The following INPP4B variants were observed in gnomAD, a reference collection of about 807,000 sequenced individuals.
INPP4B encodes the protein inositol polyphosphate 4-phosphatase type II.
In INPP4B, 55 loss-of-function variants were observed where a neutral mutation model predicts 122.5. The ratio of observed to expected loss-of-function variants is 0.45; its 90% CI spans 0.36 to 0.56. The LOEUF is 0.56. INPP4B is among the 20% of genes least tolerant of loss of function. INPP4B has a pLI of 0.00. For synonymous variants in INPP4B, 403 were observed against 388.7 expected, an observed-to-expected ratio of 1.04 and a Z score of -0.43; for missense variants, 1,000 against 1,097.7, an observed-to-expected ratio of 0.91 and a Z score of 1.26.
intron 7 of INPP4B, among the ~76,000 whole-genome samples, chr4:142,346,064 CATT>C (rs1254563079): frequency 6.6e-6 from 1 of 152,004 alleles, no homozygotes; most frequent in Non-Finnish European, 1.5e-5. Flanking sequence ...AAGGAAGTGG[CATT>C]GTAGAAAGGA....
At chr4:142,696,216 T>A (rs1197470744) in intron 2 of INPP4B, among the ~76,000 whole-genome samples, 1 of 152,130 alleles carries the variant, frequency 6.6e-6, no homozygotes, top group Non-Finnish European at 1.5e-5. Context: ...ATTTCCTCTG[T>A]GCCCTTTTCC....
chr4:142,042,542 GTATGTATGTATGTATGTATT>G (rs796364595), intron 25 of INPP4B, among the ~76,000 whole-genome samples: 51,930 of 111,582 alleles, frequency 0.47, 9,671 homozygotes, highest in South Asian at 0.56. Context: ...ATGTATGTAT[GTATGTATGTATGTATGTATT>G]TATTTATTTA....
intron 2 of INPP4B, among the ~76,000 whole-genome samples, chr4:142,595,660 G>A (rs190609179): frequency 6.0e-4 from 92 of 152,204 alleles, no homozygotes; most frequent in Non-Finnish European, 1.2e-3. Flanking sequence ...TGGACATACA[G>A]TCACCCTGGC....
At chr4:142,518,431 C>T (rs1825681290) in intron 2 of INPP4B, among the ~76,000 whole-genome samples, 3 of 152,072 alleles carry the variant, frequency 2.0e-5, no homozygotes, top group Non-Finnish European at 4.4e-5. Context: ...ATTTTCATTA[C>T]CCTGAATTAT....
intron 7 of INPP4B, among the ~76,000 whole-genome samples, chr4:142,324,792 C>G (rs1039751157): frequency 2.0e-5 from 3 of 152,086 alleles, no homozygotes; most frequent in Non-Finnish European, 4.4e-5. Flanking sequence ...TTTTTGGAAG[C>G]CTTTGACCTG....
intron 3 of INPP4B, among the ~76,000 whole-genome samples, chr4:142,446,433 T>A (rs1298954215): frequency 6.6e-6 from 1 of 152,144 alleles, no homozygotes; most frequent in Non-Finnish European, 1.5e-5. Flanking sequence ...TAACATAAAC[T>A]TTTATAAACT....
At chr4:142,514,856 C>T (rs772448048) in intron 2 of INPP4B, among the ~76,000 whole-genome samples, 11 of 140,068 alleles carry the variant, frequency 7.9e-5, no homozygotes, top group Non-Finnish European at 1.2e-4. Context: ...AATGCAGTGG[C>T]GCGATCCTGG....
At chr4:142,072,854 C>CTA (rs1426176488) in intron 25 of INPP4B, among the ~76,000 whole-genome samples, 8 of 152,072 alleles carry the variant, frequency 5.3e-5, no homozygotes, top group Admixed American at 5.3e-4. Flanking sequence ...TTACTATGAA[C>CTA]TATACCCAGT....
At chr4:142,340,501 G>T (rs1268053187) in intron 7 of INPP4B, among the ~76,000 whole-genome samples, 5 of 151,932 alleles carry the variant, frequency 3.3e-5, no homozygotes, top group Non-Finnish European at 7.4e-5. Flanking sequence ...TCCAACTCCG[G>T]GGCTCAAGGG....
Position 142,666,273 on chromosome 4 carries a change from C to A in INPP4B, c.-191+59566G>T, listed in dbSNP as rs116086935. Reference sequence around the variant, plus strand: ...TGCAAGAAACAGTTTATTTTTGCAACAAGAGTAAAAATGTATATATAATTT... The same window carrying A: ...TGCAAGAAACAGTTTATTTTTGCAAAAAGAGTAAAAATGTATATATAATTT... On this transcript the variant is annotated intron_variant, in intron 2 of 25. Transcript: ENST00000262992. Among the ~76,000 whole-genome samples, 920 of 151,888 alleles carry A rather than the reference C, an allele frequency of 6.1e-3. 15 individuals are homozygous for A. The highest frequency in any genetic ancestry group is 0.021 in the African/African-American group (882 of 41,460).
intron 7 of INPP4B, among the ~76,000 whole-genome samples, chr4:142,362,890 G>A (rs550349581): frequency 2.4e-4 from 37 of 152,114 alleles, no homozygotes; most frequent in African/African-American, 7.5e-4. Flanking sequence ...TGGTTAGTAC[G>A]TTCACTATTT....
chr4:142,239,782 T>C (rs1031146536), intron 11 of INPP4B, among the ~76,000 whole-genome samples: 1 of 152,102 alleles, frequency 6.6e-6, no homozygotes, highest in East Asian at 1.9e-4. Context: ...CAAACTTCAG[T>C]CCTTAAAATG....
chr4:142,766,382 T>C (rs1042441191), intron 1 of INPP4B, among the ~76,000 whole-genome samples: 1 of 152,010 alleles, frequency 6.6e-6, no homozygotes, highest in African/African-American at 2.4e-5. Flanking sequence ...GGTGTTTTTT[T>C]GTTTTTTTTT....
chr4:142,343,631 C>T (rs1444041235), intron 7 of INPP4B, among the ~76,000 whole-genome samples: 1 of 152,008 alleles, frequency 6.6e-6, no homozygotes, highest in South Asian at 2.1e-4. Flanking sequence ...GACTAATGAC[C>T]AATAGCTCAA....
At chr4:142,121,387 A>G (rs1251984823) in intron 21 of INPP4B, among the ~76,000 whole-genome samples, 1 of 152,114 alleles carries the variant, frequency 6.6e-6, no homozygotes, top group Non-Finnish European at 1.5e-5. Flanking sequence ...TAGCATGAAA[A>G]GGCTCTCCCT....
chr4:142,196,249 C>A (rs1838167089), intron 14 of INPP4B, among the ~76,000 whole-genome samples: 1 of 152,072 alleles, frequency 6.6e-6, no homozygotes, highest in African/African-American at 2.4e-5. Context: ...ACGAACTCAT[C>A]CCTTTTAGTG....
chr4:142,131,142 G>A (rs548848210), intron 18 of INPP4B, among the ~76,000 whole-genome samples: 1 of 152,242 alleles, frequency 6.6e-6, no homozygotes, highest in East Asian at 1.9e-4. Context: ...TTGCCTTTTG[G>A]CCTTAAATAA....
chr4:142,149,136 A>G (rs1812422695), intron 17 of INPP4B, among the ~76,000 whole-genome samples: 1 of 152,088 alleles, frequency 6.6e-6, no homozygotes, highest in Admixed American at 6.5e-5. Flanking sequence ...AAAGGTACTG[A>G]TGTGTGTTTC....
intron 2 of INPP4B, among the ~76,000 whole-genome samples, chr4:142,716,136 A>C (rs1334586004): frequency 6.6e-6 from 1 of 152,192 alleles, no homozygotes; most frequent in African/African-American, 2.4e-5. Flanking sequence ...ACTCAGGTTC[A>C]AGGGAGGGGA....
Sources: gnomAD v4.1 joint callset for allele counts (sites outside exome capture counted in the v4.1 genomes callset) on GRCh38, gnomAD v4.1.1 for gene constraint, MANE v1.5 for transcripts, NCBI Gene and HGNC (gene_info 2026-07-23, HGNC 2026-07-21) for gene names.